TTLL5: variants seen among roughly 807,000 people sequenced by gnomAD.
The protein encoded by TTLL5 is tubulin polyglutamylase TTLL5.
A neutral mutation model predicts 168.4 loss-of-function variants in TTLL5; 132 were observed. The observed-to-expected ratio is 0.78, with a 90% confidence interval of 0.68 to 0.91. The LOEUF is 0.91. Among genes scored for constraint, TTLL5 ranks in the 40% least tolerant of loss-of-function variants. The probability of loss-of-function intolerance (pLI) is 0.00; values close to 1 mark genes in which losing one functional copy is unlikely to be tolerated. For synonymous variants in TTLL5, 546 were observed against 558.6 expected (o/e 0.98, Z 0.32); for missense variants, 1,545 against 1,581.5 (o/e 0.98, Z 0.39).
At chr14:75,690,519 A>G (rs963575265) in intron 6 of TTLL5, among the ~76,000 whole-genome samples, 197 bp downstream of exon 6, 2 of 152,100 alleles carry the variant, frequency 1.3e-5, no homozygotes, top group Non-Finnish European at 2.9e-5. Context: ...TGTCAGTATC[A>G]TTTATGTAAG....
chr14:75,816,240 C>T (rs1894385517), intron 27 of TTLL5, among the ~76,000 whole-genome samples: 2 of 152,200 alleles, frequency 1.3e-5, no homozygotes, highest in South Asian at 4.1e-4. Context: ...GCCTGGCCAA[C>T]ATGGTGAAAT....
chr14:75,830,936 A>T (rs1434999819), intron 28 of TTLL5, among the ~76,000 whole-genome samples: 1 of 152,224 alleles, frequency 6.6e-6, no homozygotes, highest in African/African-American at 2.4e-5. Flanking sequence ...TATTGGAATC[A>T]TGCTCCTGAG....
intron 31 of TTLL5, among the ~76,000 whole-genome samples, chr14:75,904,834 CGTTA>C (rs2033081062): frequency 6.6e-6 from 1 of 152,088 alleles, no homozygotes; most frequent in Non-Finnish European, 1.5e-5. Flanking sequence ...TGTTCCTGAT[CGTTA>C]GTTAAAGAAA....
At chr14:75,820,245 G>A (rs1894749430) in intron 28 of TTLL5, 84 bp downstream of exon 28, 10 of 1,412,058 alleles carry the variant, frequency 7.1e-6, no homozygotes, top group Non-Finnish European at 8.4e-6. Flanking sequence ...CTTGAGTTCT[G>A]TATGGAGATA....
intron 24 of TTLL5, among the ~76,000 whole-genome samples, chr14:75,780,757 C>A (rs1892000655): frequency 6.6e-6 from 1 of 152,162 alleles, no homozygotes; most frequent in Non-Finnish European, 1.5e-5. Context: ...TCCACATAAG[C>A]CTGTTTAACT....
At chr14:75,724,579 C>G (rs1888069039) in intron 12 of TTLL5, among the ~76,000 whole-genome samples, 1 of 152,050 alleles carries the variant, frequency 6.6e-6, no homozygotes, top group African/African-American at 2.4e-5. Context: ...AAATTGAAAC[C>G]CTGAGAAATG....
chr14:75,712,324 C>T (rs1887140776), intron 9 of TTLL5: 1 of 151,588 alleles, frequency 6.6e-6, no homozygotes, highest in East Asian at 1.9e-4. Flanking sequence ...AAGGATAACT[C>T]ATGTGCCACA....
chr14:75,894,002 A>T (rs2032535296), intron 30 of TTLL5, among the ~76,000 whole-genome samples: 1 of 152,184 alleles, frequency 6.6e-6, no homozygotes, highest in African/African-American at 2.4e-5. Context: ...AATAAATGTT[A>T]ATGACTATAA....
At chr14:75,691,409 G>A (rs916309035) in intron 6 of TTLL5, among the ~76,000 whole-genome samples, 5 of 152,170 alleles carry the variant, frequency 3.3e-5, no homozygotes, top group South Asian at 2.1e-4. Context: ...TCCAAATTAC[G>A]GTGGTAATAG....
At chr14:75,826,296 T>TACACAC (rs57519882) in intron 28 of TTLL5, among the ~76,000 whole-genome samples, 1,401 of 139,430 alleles carry the variant, frequency 0.01, 26 homozygotes, top group East Asian at 0.039. Context: ...AGGATACGCG[T>TACACAC]ACACACACAC....
At chr14:75,683,761 G>A in intron 5 of TTLL5, 105 bp downstream of exon 5, 1 of 785,476 alleles carries the variant, frequency 1.3e-6, no homozygotes, top group Non-Finnish European at 2.0e-6. Flanking sequence ...AGATGAAAAT[G>A]AAGAAGAAGA....
intron 27 of TTLL5, among the ~76,000 whole-genome samples, chr14:75,799,197 G>A (rs1433064481): frequency 6.6e-6 from 1 of 152,092 alleles, no homozygotes; most frequent in East Asian, 1.9e-4. Flanking sequence ...TATTGGACTA[G>A]TCCTTTTATC....
chr14:75,804,802 A>G (rs1391499274), intron 27 of TTLL5, among the ~76,000 whole-genome samples: 6 of 152,158 alleles, frequency 3.9e-5, no homozygotes, highest in African/African-American at 1.2e-4. Flanking sequence ...TAGTTTTGGT[A>G]TCAAGACCAA....
intron 21 of TTLL5, among the ~76,000 whole-genome samples, chr14:75,774,815 A>G (rs199816080): frequency 1.3e-5 from 2 of 152,072 alleles, no homozygotes; most frequent in South Asian, 2.1e-4. Flanking sequence ...CAGCCTCCCA[A>G]GTAGCGGAGA....
chr14:75,900,801 T>G (rs1239566976), intron 30 of TTLL5, among the ~76,000 whole-genome samples: 1 of 152,246 alleles, frequency 6.6e-6, no homozygotes, highest in Non-Finnish European at 1.5e-5. Flanking sequence ...AAGACCATCC[T>G]TGACCACTGT....
At chr14:75,843,096 C>T (rs1207330326) in intron 28 of TTLL5, among the ~76,000 whole-genome samples, 1 of 152,160 alleles carries the variant, frequency 6.6e-6, no homozygotes, top group East Asian at 1.9e-4. Flanking sequence ...TATTTTCTCC[C>T]CTTGCTGTCC....
At chr14:75,816,846 T>C (rs1595089817) in intron 27 of TTLL5, among the ~76,000 whole-genome samples, 2 of 151,614 alleles carry the variant, frequency 1.3e-5, no homozygotes, top group African/African-American at 4.9e-5. Flanking sequence ...GTACAGGGAG[T>C]CTGGTTCATT....
At chr14:75,916,275 C>A (rs1015399341) in intron 31 of TTLL5, among the ~76,000 whole-genome samples, 1 of 151,972 alleles carries the variant, frequency 6.6e-6, no homozygotes, top group Non-Finnish European at 1.5e-5. Flanking sequence ...ATTGGAACCC[C>A]GGTGTACTGT....
intron 31 of TTLL5, among the ~76,000 whole-genome samples, chr14:75,907,762 T>C (rs1294895413): frequency 1.3e-5 from 2 of 152,190 alleles, no homozygotes; most frequent in East Asian, 1.9e-4. Context: ...CAATGGCCCT[T>C]TAATTCTGAT....
Sources: gnomAD v4.1 joint callset for allele counts (sites outside exome capture counted in the v4.1 genomes callset) on GRCh38, gnomAD v4.1.1 for gene constraint, MANE v1.5 for transcripts, NCBI Gene and HGNC (gene_info 2026-07-23, HGNC 2026-07-21) for gene names.